The following KAZN variants were observed in gnomAD, a reference collection of about 807,000 sequenced individuals.
KAZN encodes the protein kazrin.
A neutral mutation model predicts 87.4 loss-of-function variants in KAZN; 40 were observed. That is an observed-to-expected ratio of 0.46 (90% CI 0.36 to 0.60). KAZN has a LOEUF of 0.60. Ranked by LOEUF, KAZN falls within the 20% of genes least tolerant of loss-of-function variation. KAZN has a pLI of 0.00. For missense variants in KAZN, 898 were observed against 1,073.9 expected, an observed-to-expected ratio of 0.84 and a Z score of 2.29; for synonymous variants, 466 against 458.3, an observed-to-expected ratio of 1.02 and a Z score of -0.22.
chr1:13,989,251 T>C (rs1194626566), intron 1 of KAZN, among the ~76,000 whole-genome samples: 5 of 152,062 alleles, frequency 3.3e-5, no homozygotes. Flanking sequence ...TGTAGGCTTT[T>C]GGGGGGACAC....
At chr1:14,197,708 C>T (rs1646557271) in intron 2 of KAZN, among the ~76,000 whole-genome samples, 1 of 151,956 alleles carries the variant, frequency 6.6e-6, no homozygotes, top group Non-Finnish European at 1.5e-5. Flanking sequence ...ATAACAACAA[C>T]AAAAAAGAAA....
rs138633166 is a variant in KAZN, at chr1:15,077,334, G to A, written c.1222+11581G>A. 3.5e-4 allele frequency among the ~76,000 whole-genome samples: 54 copies of A among 152,166 alleles called. No homozygotes were observed. The East Asian group carries it at 7.9e-3, about 22-fold the overall frequency. On this transcript the variant is annotated intron_variant, in intron 8 of 14. Coordinates refer to ENST00000376030, the MANE Select transcript of KAZN (RefSeq NM_201628.3). This position sits in a 1 kb window ranked among gnomAD's most constrained non-coding sequence, Gnocchi z 4.8. The stretch of plus-strand genomic sequence containing the variant: ...TCCCCGGGCCTGCCTGGCTGTAGGC[G>A]CCCATCTCAATTCACCACCATCCTC...
At chr1:14,911,052 C>T (rs1657190888) in intron 1 of KAZN, among the ~76,000 whole-genome samples, 1 of 152,202 alleles carries the variant, frequency 6.6e-6, no homozygotes, top group South Asian at 2.1e-4. Flanking sequence ...ATCTGAGGCA[C>T]CGTGAACAAG....
rs111553905 is a variant in KAZN, at chr1:14,784,620, G to A, written c.227-176064G>A. Among the ~76,000 whole-genome samples, 1,440 of 152,292 alleles carry A rather than the reference G, an allele frequency of 9.5e-3. 24 individuals are homozygous for A. Among genetic ancestry groups the A allele is most frequent in the African/African-American group, 0.032 (1,346 of 41,556 alleles). On this transcript the variant is annotated intron_variant, in intron 1 of 14. Transcript: ENST00000376030. ...CAAAAAATACAAAAATTAGCCAAGC[G>A]TGGTGGCACATGCCTCTAGTCTCTG...
chr1:15,046,227 G>A (rs1271056528), intron 4 of KAZN, among the ~76,000 whole-genome samples: 1 of 150,744 alleles, frequency 6.6e-6, no homozygotes, highest in Non-Finnish European at 1.5e-5. Context: ...GAACCCGGGA[G>A]GCGGAGGTTG....
intron 1 of KAZN, among the ~76,000 whole-genome samples, chr1:14,664,972 T>C (rs1217600503): frequency 1.3e-5 from 2 of 152,222 alleles, no homozygotes; most frequent in African/African-American, 4.8e-5. Flanking sequence ...TATTTTTATT[T>C]GGCTCCTCTG....
intron 1 of KAZN, among the ~76,000 whole-genome samples, chr1:14,032,973 C>T (rs11590327): frequency 1.7e-4 from 26 of 152,188 alleles, no homozygotes; most frequent in Non-Finnish European, 3.2e-4. Flanking sequence ...GTGCCCTCTG[C>T]ACCCTGGTCT....
intron 1 of KAZN, among the ~76,000 whole-genome samples, chr1:14,720,338 C>G (rs1290307537): frequency 6.6e-6 from 1 of 152,226 alleles, no homozygotes; most frequent in Non-Finnish European, 1.5e-5. Context: ...GGGTTCCCAG[C>G]AAGATCCCAA....
At chr1:14,930,819 C>A (rs575850135) in intron 1 of KAZN, among the ~76,000 whole-genome samples, 186 of 140,434 alleles carry the variant, frequency 1.3e-3, no homozygotes, top group Non-Finnish European at 2.3e-3. Flanking sequence ...CTTCGGCTCA[C>A]TGGCTTGCCA....
intron 1 of KAZN, among the ~76,000 whole-genome samples, chr1:14,866,600 A>G (rs114389942): frequency 0.011 from 1,687 of 152,288 alleles, 26 homozygotes; most frequent in African/African-American, 0.039. Flanking sequence ...GGTGGCATGT[A>G]CCTGTAATCC....
intron 1 of KAZN, among the ~76,000 whole-genome samples, chr1:14,684,152 G>A (rs897615319): frequency 1.3e-5 from 2 of 152,124 alleles, no homozygotes; most frequent in Admixed American, 6.5e-5. Flanking sequence ...TCTTCACAAG[G>A]CTTGATGTGC....
chr1:14,250,553 A>G (rs1054070852), intron 2 of KAZN, among the ~76,000 whole-genome samples: 2 of 151,928 alleles, frequency 1.3e-5, no homozygotes, highest in African/African-American at 4.8e-5. Context: ...CACAGAAACA[A>G]TATTATGAGA....
Position 14,072,712 on chromosome 1 carries a change from T to C in KAZN, c.92-107723T>C, listed in dbSNP as rs117993655. Among the ~76,000 whole-genome samples the C allele has an allele frequency of 2.2e-3, 333 of 152,304 alleles. 5 individuals are homozygous for C. In the East Asian group the frequency reaches 0.04, roughly 18 times the overall value. ...AGTCCTAGCTTTAGTTCCAGCTGCG[T>C]GACCCATGACAGGTTGCTTAATCAC... On this transcript the variant is annotated intron_variant, in intron 1 of 16. Coordinates refer to the KAZN transcript ENST00000636203.
chr1:14,274,658 C>G (rs891385769), intron 2 of KAZN, among the ~76,000 whole-genome samples: 1 of 152,124 alleles, frequency 6.6e-6, no homozygotes, highest in Non-Finnish European at 1.5e-5. Context: ...AAAGTTGACC[C>G]TTAGCCATCC....
chr1:14,464,211 C>G (rs980139431), intron 2 of KAZN, among the ~76,000 whole-genome samples: 1 of 152,210 alleles, frequency 6.6e-6, no homozygotes, highest in Non-Finnish European at 1.5e-5. Flanking sequence ...GATCAGAGAT[C>G]AGAAACTAGT....
At chr1:14,062,689 A>C (rs945553871) in intron 1 of KAZN, among the ~76,000 whole-genome samples, 1 of 152,132 alleles carries the variant, frequency 6.6e-6, no homozygotes, top group Non-Finnish European at 1.5e-5. Flanking sequence ...CTTCGAGTCT[A>C]GTGTGAAGGA....
intron 1 of KAZN, among the ~76,000 whole-genome samples, chr1:14,605,331 G>T (rs764907274): frequency 6.6e-6 from 1 of 152,108 alleles, no homozygotes; most frequent in Non-Finnish European, 1.5e-5. Flanking sequence ...ATTGAATCCT[G>T]AGGCCAGCGA....
At chr1:14,596,627 T>C (rs913647242), upstream of KAZN, among the ~76,000 whole-genome samples, 1 of 152,218 alleles carries the variant, frequency 6.6e-6, no homozygotes, top group Non-Finnish European at 1.5e-5. Flanking sequence ...CCACAGCCCC[T>C]GACAAACACC....
intron 8 of KAZN, among the ~76,000 whole-genome samples, chr1:15,087,910 A>G (rs1640338236): frequency 2.6e-5 from 4 of 152,232 alleles, no homozygotes; most frequent in Admixed American, 2.6e-4. Context: ...TGTGAGATTA[A>G]GCGTTCCTAT....
Sources: gnomAD v4.1 joint callset for allele counts (sites outside exome capture counted in the v4.1 genomes callset) on GRCh38, gnomAD v4.1.1 for gene constraint, Gnocchi (gnomAD v3.1) non-coding constraint, MANE v1.5 for transcripts, NCBI Gene and HGNC (gene_info 2026-07-23, HGNC 2026-07-21) for gene names.